FGF14: variants seen among roughly 807,000 people sequenced by gnomAD.
FGF14 encodes the protein fibroblast growth factor homologous factor 4.
In FGF14, 5 loss-of-function variants were observed where a neutral mutation model predicts 25.5. That is an observed-to-expected ratio of 0.20 (90% confidence interval 0.10 to 0.41). FGF14 has a LOEUF of 0.41. FGF14 is among the 10% of genes least tolerant of loss of function. FGF14 has a pLI of 1.00. For synonymous variants in FGF14, 138 were observed against 118.3 expected (o/e 1.17, Z -1.08); for missense variants, 222 against 320.1 (o/e 0.69, Z 2.34).
At chr13:101,839,924 G>A (rs1008049884) in intron 3 of FGF14, among the ~76,000 whole-genome samples, 12 of 151,932 alleles carry the variant, frequency 7.9e-5, no homozygotes, top group Non-Finnish European at 1.3e-4. Context: ...TAGGAGAACC[G>A]AGCTAGGAGA....
At chr13:102,308,132 A>G (rs2055503815) in intron 1 of FGF14, among the ~76,000 whole-genome samples, 1 of 152,178 alleles carries the variant, frequency 6.6e-6, no homozygotes, top group Non-Finnish European at 1.5e-5. Flanking sequence ...AAGAACCTTC[A>G]GAAGACTATT....
At chr13:102,071,188 AGT>A (rs1357249856) in intron 1 of FGF14, among the ~76,000 whole-genome samples, 2 of 152,346 alleles carry the variant, frequency 1.3e-5, no homozygotes, top group Non-Finnish European at 2.9e-5. Context: ...CTTAGAAGCA[AGT>A]GTGTGCACAT....
At position 102,066,818 on chromosome 13, in the gene FGF14, C is replaced by A. The variant is rs79574278; in HGVS notation, c.209-191522G>T. Among the ~76,000 whole-genome samples the A allele has an allele frequency of 7.7e-4, 117 of 152,266 alleles. 1 individual carries two copies. The highest frequency in any genetic ancestry group is 2.3e-3 in the African/African-American group (96 of 41,538). ...TCTCCTCTTAAAACAAGAGCTCCCC[C>A]CTTTGTACCTAGGCTGTCCATGAAC... On this transcript the variant is annotated intron_variant, in intron 1 of 4. Transcript: ENST00000376131.
At chr13:102,320,929 C>T (rs1457025517) in intron 1 of FGF14, among the ~76,000 whole-genome samples, 1 of 152,174 alleles carries the variant, frequency 6.6e-6, no homozygotes, top group African/African-American at 2.4e-5. Context: ...ATAAAATAGA[C>T]TCCCAATAGG....
chr13:101,972,828 A>T (rs758239105), intron 1 of FGF14, among the ~76,000 whole-genome samples: 1 of 152,112 alleles, frequency 6.6e-6, no homozygotes, highest in Non-Finnish European at 1.5e-5. Context: ...ATTTTATTTT[A>T]CTTTGTTCAG....
intron 2 of FGF14, among the ~76,000 whole-genome samples, chr13:101,872,363 C>T (rs1178176202): frequency 6.6e-6 from 1 of 151,004 alleles, no homozygotes; most frequent in Non-Finnish European, 1.5e-5. Flanking sequence ...GAATACAAAC[C>T]ATGGGTTGGT....
In FGF14 at chr13:101,958,257, T is replaced by A. The variant is rs181100113; in HGVS notation, c.209-82961A>T. ...ATTCCTCCAGAAGCAATGCTCTGAA[T>A]GACCTTGGACAGAAGTTAACCAAAA... On this transcript the variant is annotated intron_variant, in intron 1 of 4. Coordinates refer to the FGF14 transcript ENST00000376131. 5.9e-5 allele frequency among the ~76,000 whole-genome samples: 9 copies of A among 152,358 alleles called. No homozygotes were observed. The East Asian group carries it at 1.7e-3, about 29-fold the overall frequency.
chr13:102,376,415 A>G (rs1332293332), intron 1 of FGF14, among the ~76,000 whole-genome samples: 1 of 152,216 alleles, frequency 6.6e-6, no homozygotes, highest in Admixed American at 6.5e-5. Flanking sequence ...TATTAGCAGT[A>G]TAAGAACAGA....
intron 1 of FGF14, among the ~76,000 whole-genome samples, chr13:101,942,691 C>A (rs536137157): frequency 3.9e-5 from 6 of 152,230 alleles, no homozygotes; most frequent in Non-Finnish European, 8.8e-5. Flanking sequence ...TGATCTTAGT[C>A]ATCTCCTGTC....
intron 3 of FGF14, among the ~76,000 whole-genome samples, chr13:101,795,731 C>T (rs1235809820): frequency 6.6e-6 from 1 of 152,114 alleles, no homozygotes; most frequent in African/African-American, 2.4e-5. Context: ...ACAGGAATCA[C>T]GTCTTAGGAT....
chr13:102,060,474 C>T (rs1024534241), intron 1 of FGF14, among the ~76,000 whole-genome samples: 6 of 152,092 alleles, frequency 3.9e-5, no homozygotes, highest in African/African-American at 1.4e-4. Flanking sequence ...TGCAGTGAGC[C>T]GAGATCGCGC....
At chr13:102,175,205 C>T (rs1312654915) in intron 1 of FGF14, among the ~76,000 whole-genome samples, 1 of 152,090 alleles carries the variant, frequency 6.6e-6, no homozygotes, top group Admixed American at 6.6e-5. Context: ...TACTACAAGG[C>T]TATAGTAACC....
At chr13:101,961,382 G>A (rs1309297469) in intron 1 of FGF14, among the ~76,000 whole-genome samples, 2 of 152,102 alleles carry the variant, frequency 1.3e-5, no homozygotes, top group African/African-American at 2.4e-5. Context: ...TAAGGAAGAG[G>A]TCCAGTTTCA....
chr13:101,867,934 A>ACGCG lies in FGF14; in HGVS notation c.408+787_408+790dup, dbSNP rs1403038685. Among the ~76,000 whole-genome samples, 508 of 133,888 alleles carry ACGCG rather than the reference A, an allele frequency of 3.8e-3. 3 individuals are homozygous for ACGCG. Among genetic ancestry groups the ACGCG allele is most frequent in the Admixed American group, 7.9e-3 (101 of 12,706 alleles). 87.8% of individuals were successfully genotyped at this position (133,888 alleles called of 152,430 possible). A position where few individuals can be genotyped will look rare whatever the true frequency, so the allele number is the denominator to read the frequency against. ...CACACACACACACACACACACACACACGCGCACACACACAATATGTGTATA... is the reference window on the plus strand; with the variant it reads ...CACACACACACACACACACACACACACGCGCGCGCACACACACAATATGTGTATA... On this transcript the variant is annotated intron_variant, in intron 3 of 4. Transcript: ENST00000376143.
At chr13:102,397,729 A>G (rs758977277) in intron 1 of FGF14, among the ~76,000 whole-genome samples, 1 of 152,120 alleles carries the variant, frequency 6.6e-6, no homozygotes, top group Non-Finnish European at 1.5e-5. Context: ...TCTTTTTTCA[A>G]CCACACTTCT....
chr13:102,397,235 A>C (rs894138521), intron 1 of FGF14, among the ~76,000 whole-genome samples: 1 of 152,188 alleles, frequency 6.6e-6, no homozygotes, highest in Non-Finnish European at 1.5e-5. Flanking sequence ...CTTTTTAAAA[A>C]AACGTATATT....
At chr13:102,346,566 T>G (rs1043954111) in intron 1 of FGF14, among the ~76,000 whole-genome samples, 2 of 151,930 alleles carry the variant, frequency 1.3e-5, no homozygotes, top group African/African-American at 4.8e-5. Context: ...CCATATATAT[T>G]TATATATATA....
chr13:101,734,100 C>T (rs1419401328), intron 3 of FGF14, among the ~76,000 whole-genome samples: 1 of 151,942 alleles, frequency 6.6e-6, no homozygotes, highest in African/African-American at 2.4e-5. Flanking sequence ...ACTTCATCAC[C>T]TGGAAGCTTG....
intron 3 of FGF14, among the ~76,000 whole-genome samples, chr13:101,850,344 C>G (rs1035813083): frequency 2.1e-5 from 3 of 144,516 alleles, no homozygotes; most frequent in African/African-American, 7.6e-5. Context: ...GTCCCAGCTC[C>G]TCGGGAGGCT....
Sources: allele counts gnomAD v4.1 joint callset (sites outside exome capture counted in the v4.1 genomes callset), GRCh38; gene constraint gnomAD v4.1.1; transcripts MANE v1.5; gene names NCBI Gene and HGNC (gene_info 2026-07-23, HGNC 2026-07-21).